The following NR1H3 variants were observed in gnomAD, a reference collection of about 807,000 sequenced individuals.
NR1H3 encodes nuclear receptor subfamily 1 group H member 3.
In NR1H3, 19 loss-of-function variants were observed where a neutral mutation model predicts 48.1. That is an observed-to-expected ratio of 0.40 (90% CI 0.28 to 0.58). NR1H3 has a LOEUF of 0.58. Ranked by LOEUF, NR1H3 falls within the 20% of genes least tolerant of loss-of-function variation. The probability of loss-of-function intolerance (pLI) is 0.50; values close to 1 mark genes in which losing one functional copy is unlikely to be tolerated. For synonymous variants in NR1H3, 232 were observed against 227.3 expected (o/e 1.02, Z -0.19); for missense variants, 486 against 595.9 (o/e 0.82, Z 1.92).
upstream of NR1H3, chr11:47,257,849 G>A: frequency 1.0e-6 from 1 of 982,200 alleles, no homozygotes; most frequent in Non-Finnish European, 1.2e-6. Flanking sequence ...CGGCTGGGGA[G>A]GAGCCAGCCT....
At chr11:47,248,317 G>A, upstream of NR1H3, 1 of 1,051,654 alleles carries the variant, frequency 9.5e-7, no homozygotes, top group Non-Finnish European at 1.4e-6. Context: ...ACTTAGCTAA[G>A]CAATGCTACT....
intron 1 of NR1H3, among the ~76,000 whole-genome samples, chr11:47,252,549 G>A (rs893556923): frequency 3.3e-5 from 5 of 149,834 alleles, no homozygotes; most frequent in African/African-American, 7.3e-5. Flanking sequence ...GTGAGCCACC[G>A]CACCCACCCG....
chr11:47,248,470 T>C (rs775197259), upstream of NR1H3: 11 of 1,547,752 alleles, frequency 7.1e-6, no homozygotes, highest in Middle Eastern at 1.7e-4. Context: ...CTTCCCTGTC[T>C]CAAGGCAGAC....
At chr11:47,259,489 G>A (rs1265668034) in intron 2 of NR1H3, 2 of 1,545,496 alleles carry the variant, frequency 1.3e-6, no homozygotes, top group Non-Finnish European at 1.7e-6. Context: ...CTAGAGAGTT[G>A]GCCAGCTGAG....
chr11:47,266,406 G>A (rs1472848770), intron 7 of NR1H3, among the ~76,000 whole-genome samples: 3 of 151,340 alleles, frequency 2.0e-5, no homozygotes, highest in Non-Finnish European at 4.4e-5. Flanking sequence ...GAACAATCTC[G>A]GCTCACTGCA....
chr11:47,259,324 CA>C, intron 2 of NR1H3, 65 bp downstream of exon 2: 2 of 1,609,706 alleles, frequency 1.2e-6, no homozygotes, highest in Non-Finnish European at 8.5e-7. Context: ...CTGTAGGAAT[CA>C]GCCTCCTTCA....
In NR1H3 at chr11:47,261,654, T is replaced by G. The variant is rs752722976; in HGVS notation, c.816T>G (p.Ala272=). ...IVSVQEIVDF[A]KQLPGFLQLS... ...CTGTGCAGGAGATAGTTGACTTTGC[T>G]AAACAGCTACCCGGCTTCCTGCAGC... The change falls in exon 6 of 10, where the codon GCT becomes GCG. Residue 272 remains alanine (A), a synonymous_variant. Transcript: ENST00000441012. 6.2e-7 allele frequency: 1 copy of G among 1,614,108 alleles called. No individual in the cohort carries two copies. The highest frequency in any genetic ancestry group is 1.3e-5 in the African/African-American group (1 of 74,934).
In NR1H3 at chr11:47,268,848, C is replaced by T. The variant is rs1957761780; in HGVS notation, c.*152C>T. On this transcript the variant is annotated 3_prime_UTR_variant, in exon 10 of 10. Transcript: ENST00000441012. ...GCATTAAAAGAGAGTCAAAGGGTTGCGAGTTTTGTGGCTACTGAGCAGTGG... is the reference window on the plus strand; with the variant it reads ...GCATTAAAAGAGAGTCAAAGGGTTGTGAGTTTTGTGGCTACTGAGCAGTGG... 2 of 970,512 alleles carry T rather than the reference C, an allele frequency of 2.1e-6. No homozygotes were observed. Among genetic ancestry groups the T allele is most frequent in the Non-Finnish European group, 3.0e-6 (2 of 666,630 alleles). The allele number at this position is 970,512 out of a possible 1,614,324, so 60.1% of individuals were successfully genotyped here. A position where few individuals can be genotyped will look rare whatever the true frequency, so the allele number is the denominator to read the frequency against.
upstream of NR1H3, chr11:47,257,795 T>C: frequency 1.0e-6 from 1 of 967,456 alleles, no homozygotes; most frequent in African/African-American, 1.8e-5. Flanking sequence ...ATGCCACTGT[T>C]TTGGCCGGGA....
chr11:47,255,541 T>TTTTCTTTCTTTC (rs1173009490), upstream of NR1H3, among the ~76,000 whole-genome samples: 12 of 71,576 alleles, frequency 1.7e-4, 1 homozygote, highest in East Asian at 5.7e-4. Flanking sequence ...CTTTCTTTCT[T>TTTTCTTTCTTTC]TTTCTTTCTT....
At chr11:47,254,328 C>T (rs1017413145), upstream of NR1H3, among the ~76,000 whole-genome samples, 1 of 152,166 alleles carries the variant, frequency 6.6e-6, no homozygotes, top group Non-Finnish European at 1.5e-5. Flanking sequence ...TTCTTGAAAC[C>T]AGCCATCTCT....
At chr11:47,263,698 A>G (rs1956166528) in intron 7 of NR1H3, among the ~76,000 whole-genome samples, 1 of 144,528 alleles carries the variant, frequency 6.9e-6, no homozygotes, top group African/African-American at 2.6e-5. Context: ...TGCCTCCCGG[A>G]TTCAAACGAT....
At chr11:47,261,790 C>A in intron 6 of NR1H3, 64 bp downstream of exon 6, 3 of 1,610,174 alleles carry the variant, frequency 1.9e-6, no homozygotes, top group Admixed American at 1.7e-5. Flanking sequence ...GGAGGGGCCT[C>A]CAGACATCGA....
chr11:47,258,024 T>TGG lies in NR1H3; in HGVS notation c.-142_-141dup. The stretch of plus-strand genomic sequence containing the variant: ...CTGCTTGTGCTCAGCTCCAGCTCAC[T>TGG]GGCTGGCCACCGAGACTTCTGGACA... On this transcript the variant is annotated 5_prime_UTR_variant, in exon 1 of 10. Coordinates refer to ENST00000441012, the MANE Select transcript of NR1H3 (RefSeq NM_005693.4). 1 of 980,906 alleles carries TGG rather than the reference T, an allele frequency of 1.0e-6. No homozygotes were observed. The highest frequency in any genetic ancestry group is 1.2e-6 in the Non-Finnish European group (1 of 828,310). The allele number at this position is 980,906 out of a possible 1,614,324, so 60.8% of individuals were successfully genotyped here. A position where few individuals can be genotyped will look rare whatever the true frequency, so the allele number is the denominator to read the frequency against.
At chr11:47,267,811 A>G in intron 7 of NR1H3, 102 bp from the exon 8 acceptor site, 2 of 835,796 alleles carry the variant, frequency 2.4e-6, no homozygotes, top group South Asian at 1.4e-5. Context: ...GCCCGGCCTC[A>G]GTAAACTTCT....
chr11:47,263,016 G>A (rs937536480), intron 7 of NR1H3, among the ~76,000 whole-genome samples: 2 of 152,174 alleles, frequency 1.3e-5, no homozygotes, highest in African/African-American at 4.8e-5. Flanking sequence ...GAACCTGAGA[G>A]ATATATGGAA....
At chr11:47,255,581 CTTTCTTTCTTTCTT>C (rs759718074), upstream of NR1H3, among the ~76,000 whole-genome samples, 441 of 90,566 alleles carry the variant, frequency 4.9e-3, 2 homozygotes, top group Middle Eastern at 0.017. Context: ...TTCTTTCTTT[CTTTCTTTCTTTCTT>C]TCTCTCTCTC....
chr11:47,260,597 C>G lies in NR1H3; in HGVS notation c.421C>G (p.Pro141Ala). Reference sequence around the variant, plus strand: ...CATCTGCCACAGTGGCGGCCACTGCCCCATGGACACCTACATGCGTCGCAA... The same window carrying G: ...CATCTGCCACAGTGGCGGCCACTGCGCCATGGACACCTACATGCGTCGCAA... The part of the protein sequence containing the change: ...HYICHSGGHC[P>A]MDTYMRRKCQ... Residue 141 changes from proline to alanine, a missense_variant, in exon 4 of 10, where the codon CCC (proline) becomes GCC (alanine). Transcript: ENST00000441012. 1 of 1,613,788 alleles carries G rather than the reference C, an allele frequency of 6.2e-7. No individual in the cohort carries two copies. Among genetic ancestry groups the G allele is most frequent in the African/African-American group, 1.3e-5 (1 of 75,058 alleles).
At chr11:47,268,201 T>C in intron 8 of NR1H3, 60 bp from the exon 9 acceptor site, 1 of 1,504,644 alleles carries the variant, frequency 6.6e-7, no homozygotes, top group Non-Finnish European at 9.2e-7. Context: ...TGGTTGCAAT[T>C]TGGGGTATGG....
Sources: gnomAD v4.1 joint callset for allele counts (sites outside exome capture counted in the v4.1 genomes callset) on GRCh38, gnomAD v4.1.1 for gene constraint, MANE v1.5 for transcripts, NCBI Gene and HGNC (gene_info 2026-07-23, HGNC 2026-07-21) for gene names.